The following TMEM11 variants were observed in gnomAD, a reference collection of about 807,000 sequenced individuals.
TMEM11 encodes the protein transmembrane protein 11, mitochondrial.
Under a neutral mutation model 17.0 loss-of-function variants are expected in TMEM11, and 1 was observed. The ratio of observed to expected loss-of-function variants is 0.06; its 90% CI spans 0.02 to 0.28. The LOEUF is 0.28. TMEM11 is among the 10% of genes least tolerant of loss of function. TMEM11 has a pLI of 1.00. For missense variants in TMEM11, 172 were observed against 252.9 expected, an observed-to-expected ratio of 0.68 and a Z score of 2.17; for synonymous variants, 122 against 118.1, an observed-to-expected ratio of 1.03 and a Z score of -0.21.
At chr17:21,206,780 A>C (rs1458596789) in intron 1 of TMEM11, among the ~76,000 whole-genome samples, 1 of 152,046 alleles carries the variant, frequency 6.6e-6, no homozygotes, top group African/African-American at 2.4e-5. Flanking sequence ...AGGTGATCCC[A>C]AAATGCTGGA....
At chr17:21,207,667 T>C (rs1974956919) in intron 1 of TMEM11, among the ~76,000 whole-genome samples, 1 of 151,684 alleles carries the variant, frequency 6.6e-6, no homozygotes, top group African/African-American at 2.4e-5. Flanking sequence ...GCGGGCGGAT[T>C]ACCTAAGGTC....
At chr17:21,200,720 G>A (rs1419422465) in intron 1 of TMEM11, among the ~76,000 whole-genome samples, 1 of 152,226 alleles carries the variant, frequency 6.6e-6, no homozygotes, top group African/African-American at 2.4e-5. Context: ...TGCCTGACAG[G>A]AACTAGCTTC....
At chr17:21,199,099 T>TTA (rs1422055962) in intron 1 of TMEM11, among the ~76,000 whole-genome samples, 1 of 151,590 alleles carries the variant, frequency 6.6e-6, no homozygotes, top group Non-Finnish European at 1.5e-5. Context: ...GGGGGGCGGA[T>TTA]CATGAGGTCA....
intron 1 of TMEM11, 168 bp downstream of exon 1, chr17:21,213,922 TC>T: frequency 1.5e-6 from 1 of 665,552 alleles, no homozygotes. Context: ...TCGACCTCGC[TC>T]CCACCCGGAT....
intron 1 of TMEM11, among the ~76,000 whole-genome samples, chr17:21,207,782 G>C (rs1039522414): frequency 6.8e-6 from 1 of 146,594 alleles, no homozygotes; most frequent in Non-Finnish European, 1.5e-5. Flanking sequence ...CAGCTACTCA[G>C]GAGGCTGAGG....
chr17:21,213,991 G>A, intron 1 of TMEM11, 100 bp downstream of exon 1: 1 of 1,165,190 alleles, frequency 8.6e-7, no homozygotes, highest in Non-Finnish European at 1.2e-6. Flanking sequence ...GGAGCGCGGG[G>A]AAACCAGGGA....
chr17:21,198,798 G>A lies in TMEM11; in HGVS notation c.105C>T (p.Ile35=), dbSNP rs943712592. The change falls in exon 2 of 2, where the codon ATC becomes ATT. Residue 35 remains isoleucine (I), a synonymous_variant. Transcript: ENST00000317635. This position sits in a 1 kb window ranked among gnomAD's most constrained non-coding sequence, Gnocchi z 6.5. The stretch of plus-strand genomic sequence containing the variant: ...GGTCTTGGGCATTCTCCCCATTGTA[G>A]ATCTCATGCACAATGTAGCAGTCTG... ...SATDCYIVHE[I]YNGENAQDQF... is the part of the protein sequence containing the mutation. 1 of 1,613,944 alleles carries A rather than the reference G, an allele frequency of 6.2e-7. No individual in the cohort carries two copies. Among genetic ancestry groups the A allele is most frequent in the Non-Finnish European group, 8.5e-7 (1 of 1,180,014 alleles).
intron 1 of TMEM11, among the ~76,000 whole-genome samples, chr17:21,206,518 C>T (rs1258501103): frequency 6.6e-6 from 1 of 151,940 alleles, no homozygotes; most frequent in African/African-American, 2.4e-5. Context: ...TACCTGGTCT[C>T]ATTTTCTTTA....
chr17:21,198,258 C>T lies in TMEM11; in HGVS notation c.*66G>A, dbSNP rs553240141. 255 of 1,533,528 alleles carry T rather than the reference C, an allele frequency of 1.7e-4. 1 individual carries two copies. In the African/African-American group the frequency reaches 3.2e-3, roughly 19 times the overall value. 95.0% of individuals were successfully genotyped at this position (1,533,528 alleles called of 1,614,324 possible). ...GGCTCTGCTGCCTCACAGAGTGTGG[C>T]GATCTGAATACTCTGTTGTCTCTTG... On this transcript the variant is annotated 3_prime_UTR_variant, in exon 2 of 2. Transcript: ENST00000317635. The surrounding 1 kb of genome is among the most constrained non-coding windows in gnomAD (Gnocchi z 6.5).
intron 1 of TMEM11, chr17:21,213,847 A>G (rs943780713): frequency 5.2e-6 from 2 of 382,316 alleles, no homozygotes; most frequent in African/African-American, 4.4e-5. Context: ...CCCGCCCCGC[A>G]TGGCCGCTGC....
chr17:21,209,815 G>A (rs559867933), intron 1 of TMEM11, among the ~76,000 whole-genome samples: 1 of 152,132 alleles, frequency 6.6e-6, no homozygotes, highest in Non-Finnish European at 1.5e-5. Flanking sequence ...AGCCACACGT[G>A]GCTAATGGCT....
chr17:21,208,093 C>T (rs1256327032), intron 1 of TMEM11, among the ~76,000 whole-genome samples: 5 of 150,592 alleles, frequency 3.3e-5, no homozygotes, highest in African/African-American at 9.7e-5. Flanking sequence ...CCTGGGTTCA[C>T]GCCATTCTCC....
At chr17:21,205,335 T>C (rs1286336094) in intron 1 of TMEM11, among the ~76,000 whole-genome samples, 1 of 152,122 alleles carries the variant, frequency 6.6e-6, no homozygotes, top group African/African-American at 2.4e-5. Context: ...TCCAGTGGCC[T>C]GAGCCAGGGA....
chr17:21,201,240 C>T (rs1451319291), intron 1 of TMEM11, among the ~76,000 whole-genome samples: 1 of 152,238 alleles, frequency 6.6e-6, no homozygotes, highest in African/African-American at 2.4e-5. Flanking sequence ...GTGGGAACCA[C>T]TTTCATAAAA....
At chr17:21,213,908 G>T in intron 1 of TMEM11, 183 bp downstream of exon 1, 1 of 613,346 alleles carries the variant, frequency 1.6e-6, no homozygotes, top group Non-Finnish European at 2.8e-6. Flanking sequence ...CTCCGCCGAG[G>T]CCTTCGACCT....
chr17:21,213,290 C>G (rs986127676), intron 1 of TMEM11: 2 of 152,212 alleles, frequency 1.3e-5, no homozygotes, highest in African/African-American at 2.4e-5. Context: ...AGTGGCTGAA[C>G]AGCTTCTAGT....
Position 21,198,828 on chromosome 17 carries a change from C to T in TMEM11, c.75G>A (p.Ser25=), listed in dbSNP as rs138610126. 23 of 1,608,348 alleles carry T rather than the reference C, an allele frequency of 1.4e-5. No individual in the cohort carries two copies. Among genetic ancestry groups the T allele is most frequent in the East Asian group, 1.1e-4 (5 of 44,756 alleles). Reference sequence around the variant, plus strand: ...CATGCACAATGTAGCAGTCTGTGGCCGACAAGCTCACCCTTTTGATGGAGG... The same window carrying T: ...CATGCACAATGTAGCAGTCTGTGGCTGACAAGCTCACCCTTTTGATGGAGG... The part of the protein sequence containing the change: ...GGSARERVSL[S]ATDCYIVHEI... The change falls in exon 2 of 2, where the codon TCG becomes TCA. Residue 25 remains serine, a synonymous_variant. Transcript: ENST00000317635. This position sits in a 1 kb window ranked among gnomAD's most constrained non-coding sequence, Gnocchi z 6.5.
chr17:21,206,803 A>G (rs1415350788), intron 1 of TMEM11, among the ~76,000 whole-genome samples: 2 of 152,156 alleles, frequency 1.3e-5, no homozygotes, highest in African/African-American at 2.4e-5. Context: ...TACAGGCATG[A>G]GCCACCATGC....
chr17:21,210,436 G>A (rs1028555984), intron 1 of TMEM11, among the ~76,000 whole-genome samples: 1 of 152,126 alleles, frequency 6.6e-6, no homozygotes, highest in African/African-American at 2.4e-5. Context: ...ATCCCAGCCA[G>A]AAGGAAACAA....
Sources: gnomAD v4.1 joint callset for allele counts (sites outside exome capture counted in the v4.1 genomes callset) on GRCh38, gnomAD v4.1.1 for gene constraint, Gnocchi (gnomAD v3.1) non-coding constraint, MANE v1.5 for transcripts, NCBI Gene and HGNC (gene_info 2026-07-23, HGNC 2026-07-21) for gene names.